STPG2: variants seen among roughly 807,000 people sequenced by gnomAD.
STPG2 encodes sperm tail PG-rich repeat containing 2.
Under a neutral mutation model 54.2 loss-of-function variants are expected in STPG2, and 56 were observed. The observed-to-expected ratio is 1.03, with a 90% confidence interval of 0.83 to 1.29. The LOEUF is 1.29. Among genes scored for constraint, STPG2 ranks in the 50% most tolerant of loss-of-function variants. STPG2 has a pLI of 0.00. For synonymous variants in STPG2, 200 were observed against 181.8 expected (o/e 1.10, Z -0.81); for missense variants, 596 against 544.9 (o/e 1.09, Z -0.93).
intron 10 of STPG2, among the ~76,000 whole-genome samples, chr4:97,646,196 T>TAGC (rs1278354064): frequency 1.3e-5 from 2 of 152,148 alleles, no homozygotes; most frequent in Admixed American, 1.3e-4. Context: ...CTATGACAAA[T>TAGC]AGCAATTTTT....
At chr4:97,560,640 C>T (rs898618045) in intron 10 of STPG2, among the ~76,000 whole-genome samples, 1 of 151,996 alleles carries the variant, frequency 6.6e-6, no homozygotes. Context: ...GAGAAGTACC[C>T]ATAGGCAAAA....
intron 8 of STPG2, among the ~76,000 whole-genome samples, chr4:97,868,060 A>G (rs1331139650): frequency 6.6e-6 from 1 of 152,002 alleles, no homozygotes; most frequent in Non-Finnish European, 1.5e-5. Context: ...GAACTTTTTT[A>G]AAAACATTAT....
intron 5 of STPG2, among the ~76,000 whole-genome samples, chr4:98,019,857 A>G (rs1252046959): frequency 8.4e-6 from 1 of 119,202 alleles, no homozygotes; most frequent in African/African-American, 3.4e-5. Context: ...TGATTTTTTT[A>G]CATTGATTTT....
At chr4:97,842,065 C>G (rs1461463020) in intron 8 of STPG2, among the ~76,000 whole-genome samples, 4 of 151,758 alleles carry the variant, frequency 2.6e-5, no homozygotes, top group African/African-American at 9.7e-5. Context: ...CCTCTAGGAG[C>G]CATATTTTAG....
At chr4:97,728,775 A>G (rs1027567069) in intron 9 of STPG2, among the ~76,000 whole-genome samples, 3 of 152,066 alleles carry the variant, frequency 2.0e-5, no homozygotes, top group Non-Finnish European at 2.9e-5. Flanking sequence ...GAAATACTAC[A>G]TCCACATCAG....
chr4:97,872,746 T>C (rs757572797), intron 8 of STPG2, among the ~76,000 whole-genome samples: 11 of 151,348 alleles, frequency 7.3e-5, no homozygotes, highest in Non-Finnish European at 1.0e-4. Flanking sequence ...ACATTTTGAC[T>C]CACAGATTCC....
chr4:97,608,661 C>A (rs774897836), intron 10 of STPG2, among the ~76,000 whole-genome samples: 4 of 151,916 alleles, frequency 2.6e-5, no homozygotes, highest in Admixed American at 6.6e-5. Context: ...GTCTGTTTTT[C>A]AGAAAATTAA....
intron 5 of STPG2, among the ~76,000 whole-genome samples, chr4:98,034,551 C>T (rs575346510): frequency 2.0e-5 from 3 of 152,284 alleles, no homozygotes; most frequent in African/African-American, 7.2e-5. Context: ...TCAATGCTAT[C>T]CGCATCAAGC....
chr4:98,082,595 G>A (rs1560671014), intron 5 of STPG2, among the ~76,000 whole-genome samples: 1 of 149,694 alleles, frequency 6.7e-6, no homozygotes, highest in East Asian at 2.0e-4. Context: ...GGGACTACAG[G>A]CGCCCGCCAC....
intron 7 of STPG2, among the ~76,000 whole-genome samples, chr4:97,948,964 G>T (rs1733356994): frequency 6.6e-6 from 1 of 151,974 alleles, no homozygotes; most frequent in East Asian, 1.9e-4. Context: ...TTGTTTCTTT[G>T]TTGAATTTCT....
At position 97,881,253 on chromosome 4, in the gene STPG2, T is replaced by G. The variant is rs150861237; in HGVS notation, c.1045-40321A>C. ...GAGCTCATCTAAGCCAACCCTCTCA[T>G]TTTTTACAAGAAATCCTTTTCCAAT... On this transcript the variant is annotated intron_variant, in intron 8 of 10. Coordinates refer to ENST00000295268, the MANE Select transcript of STPG2 (RefSeq NM_174952.3). Among the ~76,000 whole-genome samples, 669 of 152,246 alleles carry G rather than the reference T, an allele frequency of 4.4e-3. 9 individuals carry two copies. The highest frequency in any genetic ancestry group is 2.3e-3 in the South Asian group (11 of 4,824).
intron 4 of STPG2, among the ~76,000 whole-genome samples, chr4:97,482,138 G>T (rs538517778): frequency 1.3e-5 from 2 of 151,316 alleles, no homozygotes; most frequent in Admixed American, 6.6e-5. Context: ...TACACTGAGT[G>T]ATTTTTCAAA....
intron 10 of STPG2, among the ~76,000 whole-genome samples, chr4:97,570,884 C>T (rs549952790): frequency 6.6e-6 from 1 of 152,232 alleles, no homozygotes; most frequent in South Asian, 2.1e-4. Flanking sequence ...GAAATATACG[C>T]ATTCATAAAC....
intron 3 of STPG2, among the ~76,000 whole-genome samples, chr4:98,123,954 G>T (rs1352498047): frequency 3.3e-5 from 5 of 151,838 alleles, no homozygotes; most frequent in South Asian, 2.1e-4. Flanking sequence ...TATCTTTTTT[G>T]ATCTTTGTTG....
intron 4 of STPG2, among the ~76,000 whole-genome samples, chr4:97,473,671 A>G (rs1460316830): frequency 6.6e-6 from 1 of 152,070 alleles, no homozygotes; most frequent in Non-Finnish European, 1.5e-5. Context: ...TCTGTGACCC[A>G]CACCCTATTC....
rs960563573 is a variant in STPG2, at chr4:98,109,118, T to C, written c.500+75A>G. 2.5e-5 allele frequency: 22 copies of C among 873,304 alleles called. No homozygotes were observed. The African/African-American group carries it at 3.8e-4, about 15-fold the overall frequency. 54.1% of individuals were successfully genotyped at this position (873,304 alleles called of 1,614,324 possible). ...ACTAATTTTTCCTTTCTTTACAGCA[T>C]AGCCTAGTCTGAATTATTAAAATAC... On this transcript the variant is annotated intron_variant, in intron 4 of 10. Coordinates refer to ENST00000295268, the MANE Select transcript of STPG2 (RefSeq NM_174952.3).
At chr4:97,597,842 C>G (rs972685107) in intron 10 of STPG2, among the ~76,000 whole-genome samples, 1 of 152,048 alleles carries the variant, frequency 6.6e-6, no homozygotes, top group Non-Finnish European at 1.5e-5. Flanking sequence ...GATGCCCACT[C>G]TCACCACTCC....
intron 8 of STPG2, among the ~76,000 whole-genome samples, chr4:97,923,283 G>T (rs1732186246): frequency 1.3e-5 from 2 of 151,084 alleles, no homozygotes; most frequent in Admixed American, 1.3e-4. Context: ...CAGGGGCTGT[G>T]CGCAGCGCTT....
intron 8 of STPG2, among the ~76,000 whole-genome samples, chr4:97,919,293 GA>G (rs953204632): frequency 6.8e-5 from 10 of 146,448 alleles, no homozygotes; most frequent in Admixed American, 1.4e-4. Flanking sequence ...TAAGAAACTA[GA>G]AAAAAAACAA....
Sources: allele counts gnomAD v4.1 joint callset (sites outside exome capture counted in the v4.1 genomes callset), GRCh38; gene constraint gnomAD v4.1.1; transcripts MANE v1.5; gene names NCBI Gene and HGNC (gene_info 2026-07-23, HGNC 2026-07-21).